CTDP1: variants seen among roughly 807,000 people sequenced by gnomAD.
CTDP1 encodes the protein CTD phosphatase 1.
In CTDP1, 47 loss-of-function variants were observed where a neutral mutation model predicts 91.8. The observed-to-expected ratio is 0.51, with a 90% confidence interval of 0.41 to 0.65. The LOEUF is 0.65. CTDP1 is among the 30% of genes least tolerant of loss of function. The pLI is 0.00. For missense variants in CTDP1, 1,272 were observed against 1,373.7 expected, an observed-to-expected ratio of 0.93 and a Z score of 1.17; for synonymous variants, 656 against 598.5, an observed-to-expected ratio of 1.10 and a Z score of -1.40.
At position 79,695,690 on chromosome 18, in the gene CTDP1, C is replaced by T. The variant is rs70198; in HGVS notation, c.399-287C>T. 0.54 allele frequency among the ~76,000 whole-genome samples: 81,852 copies of T among 152,036 alleles called. 22,577 individuals carry two copies. Among genetic ancestry groups the T allele is most frequent in the Middle Eastern group, 0.7 (207 of 294 alleles). On this transcript the variant is annotated intron_variant, in intron 2 of 12. Transcript: ENST00000613122. ...GGAGGTGCGGCAGCTACTTTTTCTG[C>T]GTTTTCATGGTTGAGGGCCTGTTTC...
rs1420447096 is a variant in CTDP1, at chr18:79,745,233, GTGCGTCCCTCCCATGCGCGTTCTGTCCC to G, written c.2748-8406_2748-8379del. 1.8e-3 allele frequency among the ~76,000 whole-genome samples: 278 copies of G among 151,192 alleles called. 11 individuals are homozygous for G. The highest frequency in any genetic ancestry group is 5.8e-3 in the African/African-American group (240 of 41,250). ...GCACACATACGTGTTTGACTGGATT[GTGCGTCCCTCCCATGCGCGTTCTGTCCC>G]TGCGTCCCTCCCGTGCGCGTTCTGT... On this transcript the variant is annotated intron_variant, in intron 12 of 12. Coordinates refer to ENST00000613122, the MANE Select transcript of CTDP1 (RefSeq NM_004715.5).
At chr18:79,710,281 A>G in intron 5 of CTDP1, 65 bp from the exon 6 acceptor site, 1 of 1,256,902 alleles carries the variant, frequency 8.0e-7, no homozygotes, top group Non-Finnish European at 1.2e-6. Flanking sequence ...TCAAGGCTTC[A>G]CCATGTGCCG....
At position 79,754,114 on chromosome 18, in the gene CTDP1, C is replaced by A; in HGVS notation, c.*324C>A. 1 of 406,874 alleles carries A rather than the reference C, an allele frequency of 2.5e-6. No individual in the cohort carries two copies. The allele number at this position is 406,874 out of a possible 1,614,324, so 25.2% of individuals were successfully genotyped here. A position where few individuals can be genotyped will look rare whatever the true frequency, so the allele number is the denominator to read the frequency against. ...GTTGGTGTGTTTTCCCCTTGTGTACCAGAGCACATTCCTTAGGGGACGGCT... is the reference window on the plus strand; with the variant it reads ...GTTGGTGTGTTTTCCCCTTGTGTACAAGAGCACATTCCTTAGGGGACGGCT... On this transcript the variant is annotated 3_prime_UTR_variant, in exon 13 of 13. Transcript: ENST00000613122.
At position 79,714,667 on chromosome 18, in the gene CTDP1, G is replaced by A. The variant is rs182220997; in HGVS notation, c.1207G>A (p.Glu403Lys). The A allele has an allele frequency of 8.2e-5, 132 of 1,611,790 alleles. No individual in the cohort carries two copies. The East Asian group carries it at 1.2e-3, about 15-fold the overall frequency. Residue 403 changes from glutamate (E) to lysine (K), a missense_variant, in exon 8 of 13, where the codon GAG becomes AAG. Transcript: ENST00000613122. ...RDSPRPGKPD[E>K]RDIWPPAQAP... The stretch of plus-strand genomic sequence containing the variant: ...CTCACCCCGCCCCGGGAAGCCAGAC[G>A]AGAGGGACATCTGGCCCCCTGCCCA...
chr18:79,681,521 A>G, intron 1 of CTDP1: 7 of 983,804 alleles, frequency 7.1e-6, no homozygotes, highest in Non-Finnish European at 8.4e-6. Context: ...TAGACAGGTG[A>G]GTAACTTGGT....
Position 79,680,069 on chromosome 18 carries a change from C to T in CTDP1, c.122C>T (p.Ala41Val). Reference protein sequence around the residue: ...RLLEWRVAAGAAVRIGSVLAV... With the variant: ...RLLEWRVAAGVAVRIGSVLAV... ...CTGGAGTGGAGGGTGGCGGCGGGCG[C>T]GGCCGTGCGCATCGGCTCGGTGCTG... Residue 41 changes from alanine (A) to valine (V), a missense_variant, in exon 1 of 13, where the codon GCG (alanine) becomes GTG (valine). By Grantham distance (64) the Ala-to-Val change is moderately conservative. This residue lies in a region of CTDP1 where 214 missense variants were observed against 179.1 expected (regional missense o/e 1.19). Transcript: ENST00000613122. The T allele has an allele frequency of 8.0e-7, 1 of 1,257,762 alleles. No individual in the cohort carries two copies. 77.9% of individuals were successfully genotyped at this position (1,257,762 alleles called of 1,614,324 possible). A position where few individuals can be genotyped will look rare whatever the true frequency, so the allele number is the denominator to read the frequency against.
At chr18:79,730,647 A>G (rs1365144758) in intron 11 of CTDP1, among the ~76,000 whole-genome samples, 3 of 152,162 alleles carry the variant, frequency 2.0e-5, no homozygotes, top group African/African-American at 7.2e-5. Context: ...TGCATGGGAG[A>G]GAGGCCAGAG....
intron 12 of CTDP1, among the ~76,000 whole-genome samples, chr18:79,750,380 A>G (rs917510536): frequency 9.9e-5 from 15 of 152,284 alleles, no homozygotes; most frequent in African/African-American, 3.6e-4. Context: ...TCATGTAGCA[A>G]TTAAAAGTAA....
chr18:79,721,834 T>A (rs925551788), intron 10 of CTDP1, among the ~76,000 whole-genome samples: 8 of 152,154 alleles, frequency 5.3e-5, no homozygotes, highest in South Asian at 4.1e-4. Flanking sequence ...ATTTATTTTT[T>A]TTTTTTTGAG....
At chr18:79,710,132 A>G (rs2086049816) in intron 5 of CTDP1, among the ~76,000 whole-genome samples, 1 of 152,224 alleles carries the variant, frequency 6.6e-6, no homozygotes, top group South Asian at 2.1e-4. Flanking sequence ...ATAAACACTT[A>G]TCAACATGGT....
chr18:79,688,355 C>G (rs1226446566), intron 1 of CTDP1, among the ~76,000 whole-genome samples: 4 of 152,264 alleles, frequency 2.6e-5, no homozygotes, highest in Admixed American at 1.3e-4. Flanking sequence ...ACCTCCACCT[C>G]CTGGGTTCAA....
intron 4 of CTDP1, among the ~76,000 whole-genome samples, chr18:79,702,563 G>A (rs1297565382): frequency 1.3e-5 from 2 of 152,048 alleles, no homozygotes; most frequent in Admixed American, 6.6e-5. Flanking sequence ...TAGTAGAGAC[G>A]GGGTTGTGCC....
intron 1 of CTDP1, among the ~76,000 whole-genome samples, chr18:79,689,193 G>A (rs1241699934): frequency 6.6e-6 from 1 of 152,092 alleles, no homozygotes; most frequent in Non-Finnish European, 1.5e-5. Context: ...ATCATTGCCT[G>A]GTTTAGTAGG....
chr18:79,735,623 G>C (rs866937255), intron 11 of CTDP1: 2 of 152,864 alleles, frequency 1.3e-5, no homozygotes, highest in Non-Finnish European at 2.9e-5. Context: ...TTCACCTCCC[G>C]GCACTGGGCT....
intron 1 of CTDP1, chr18:79,685,730 C>G (rs2085480770): frequency 6.6e-6 from 1 of 152,136 alleles, no homozygotes; most frequent in Non-Finnish European, 1.5e-5. Flanking sequence ...GAGTAGAAGC[C>G]TCTGAAATTC....
At chr18:79,749,226 C>T (rs1413253637) in intron 12 of CTDP1, among the ~76,000 whole-genome samples, 2 of 152,192 alleles carry the variant, frequency 1.3e-5, no homozygotes, top group Non-Finnish European at 2.9e-5. Flanking sequence ...ATTGTTGGAA[C>T]TGGTTCTTGC....
chr18:79,712,790 A>G (rs551413742), intron 6 of CTDP1, among the ~76,000 whole-genome samples, 182 bp from the exon 7 acceptor site: 24 of 152,264 alleles, frequency 1.6e-4, no homozygotes, highest in Admixed American at 4.6e-4. Context: ...AGCACTGAAG[A>G]TGTTACTGAG....
At chr18:79,678,754 T>C (rs552474707), upstream of CTDP1, 3 of 152,350 alleles carry the variant, frequency 2.0e-5, no homozygotes, top group African/African-American at 4.8e-5. Context: ...GTATTAAGGC[T>C]GAAAAAATTA....
intron 10 of CTDP1, among the ~76,000 whole-genome samples, chr18:79,718,790 G>A (rs1240956177): frequency 6.6e-6 from 1 of 152,172 alleles, no homozygotes; most frequent in Non-Finnish European, 1.5e-5. Flanking sequence ...CCCAGGCAAG[G>A]AGCACCCACC....
Sources: allele counts gnomAD v4.1 joint callset (sites outside exome capture counted in the v4.1 genomes callset), GRCh38; gene constraint gnomAD v4.1.1; regional missense constraint gnomAD v4.1.1; transcripts MANE v1.5; gene names NCBI Gene and HGNC (gene_info 2026-07-23, HGNC 2026-07-21).